RAP1GDS1: variants seen among roughly 807,000 people sequenced by gnomAD.
The protein encoded by RAP1GDS1 is RAP1, GTP-GDP dissociation stimulator 1.
A neutral mutation model predicts 71.1 loss-of-function variants in RAP1GDS1; 35 were observed. The ratio of observed to expected loss-of-function variants is 0.49; its 90% CI spans 0.38 to 0.65. The LOEUF (loss-of-function observed/expected upper bound fraction) is 0.65. RAP1GDS1 is among the 30% of genes least tolerant of loss of function. The pLI is 0.00. For synonymous variants in RAP1GDS1, 229 were observed against 243.1 expected (o/e 0.94, Z 0.54); for missense variants, 663 against 706.1 (o/e 0.94, Z 0.69).
At chr4:98,324,053 C>G (rs1435125282) in intron 2 of RAP1GDS1, among the ~76,000 whole-genome samples, 3 of 151,268 alleles carry the variant, frequency 2.0e-5, no homozygotes, top group Non-Finnish European at 2.9e-5. Flanking sequence ...TCTCCTTAAG[C>G]TGATAAGCAA....
At chr4:98,440,061 G>T (rs1402694005) in intron 14 of RAP1GDS1, among the ~76,000 whole-genome samples, 1 of 152,108 alleles carries the variant, frequency 6.6e-6, no homozygotes, top group Non-Finnish European at 1.5e-5. Context: ...GACAACTCTA[G>T]TCACCACATA....
intron 6 of RAP1GDS1, among the ~76,000 whole-genome samples, chr4:98,398,265 A>G (rs191444641): frequency 3.9e-5 from 6 of 152,232 alleles, no homozygotes; most frequent in African/African-American, 1.4e-4. Flanking sequence ...GAGAAAATAT[A>G]AGAAGATCAG....
At chr4:98,371,222 C>T (rs1195404317) in intron 4 of RAP1GDS1, among the ~76,000 whole-genome samples, 1 of 151,124 alleles carries the variant, frequency 6.6e-6, no homozygotes, top group Non-Finnish European at 1.5e-5. Context: ...AAGTGATTCT[C>T]CTGCCTCAGC....
Position 98,421,377 on chromosome 4 carries a change from C to G in RAP1GDS1, c.1423C>G (p.Arg475Gly). The change falls in exon 12 of 15, where the codon CGA becomes GGA. Residue 475 changes from arginine to glycine, a missense_variant. Arg to Gly is a moderately radical substitution (Grantham distance 125). Transcript: ENST00000408927. ...AAACAGACTGCTGTCTGCCCTTATA[C>G]GACACAGTAAATCAAAAGTAAGTTC... ...ESNRLLSALI[R>G]HSKSKDVIKT... The G allele has an allele frequency of 6.3e-7, 1 of 1,596,170 alleles. No homozygotes were observed. The highest frequency in any genetic ancestry group is 1.3e-5 in the African/African-American group (1 of 74,436).
intron 2 of RAP1GDS1, among the ~76,000 whole-genome samples, chr4:98,336,883 T>C (rs994767680): frequency 6.6e-6 from 1 of 151,634 alleles, no homozygotes; most frequent in African/African-American, 2.4e-5. Context: ...GTTTTTTTTG[T>C]TTTGTTTTGT....
chr4:98,370,622 G>T (rs1452203367), intron 4 of RAP1GDS1, among the ~76,000 whole-genome samples: 2 of 150,320 alleles, frequency 1.3e-5, no homozygotes, highest in African/African-American at 4.9e-5. Flanking sequence ...GGAGTGCAGT[G>T]GCGCGATCTC....
At chr4:98,370,085 C>G (rs2110464246) in intron 4 of RAP1GDS1, among the ~76,000 whole-genome samples, 1 of 152,176 alleles carries the variant, frequency 6.6e-6, no homozygotes, top group East Asian at 1.9e-4. Context: ...TATGTTTTCC[C>G]TCACACTTCC....
chr4:98,366,573 A>C (rs1025455922), intron 4 of RAP1GDS1, among the ~76,000 whole-genome samples: 3 of 152,152 alleles, frequency 2.0e-5, no homozygotes, highest in African/African-American at 7.2e-5. Flanking sequence ...GAAGACAGGA[A>C]AATGTAGGCA....
At chr4:98,329,192 G>T (rs1263915417) in intron 2 of RAP1GDS1, among the ~76,000 whole-genome samples, 2 of 152,096 alleles carry the variant, frequency 1.3e-5, no homozygotes, top group Non-Finnish European at 2.9e-5. Context: ...AATAATTTTT[G>T]AATTGGGGGG....
intron 12 of RAP1GDS1, among the ~76,000 whole-genome samples, chr4:98,423,958 C>A (rs551090371): frequency 7.0e-4 from 107 of 152,200 alleles, no homozygotes; most frequent in Non-Finnish European, 1.4e-3. Flanking sequence ...TTGAGTTGAG[C>A]AATTTGAAAT....
chr4:98,342,920 AATATT>A (rs1268326648), intron 2 of RAP1GDS1, among the ~76,000 whole-genome samples: 4 of 152,154 alleles, frequency 2.6e-5, no homozygotes, highest in East Asian at 1.9e-4. Context: ...AAATAAACAA[AATATT>A]ATATTATCAA....
intron 7 of RAP1GDS1, among the ~76,000 whole-genome samples, chr4:98,415,796 T>A (rs771820495): frequency 6.6e-6 from 1 of 152,246 alleles, no homozygotes; most frequent in Non-Finnish European, 1.5e-5. Context: ...TAACTTTTAT[T>A]ATGAACATTT....
intron 5 of RAP1GDS1, among the ~76,000 whole-genome samples, chr4:98,383,776 T>C (rs1742340785): frequency 6.6e-6 from 1 of 151,614 alleles, no homozygotes; most frequent in Non-Finnish European, 1.5e-5. Context: ...TTTCAGTCAA[T>C]AGCAACAATT....
intron 2 of RAP1GDS1, among the ~76,000 whole-genome samples, chr4:98,305,835 T>A (rs754354774): frequency 2.6e-5 from 4 of 152,234 alleles, no homozygotes; most frequent in Non-Finnish European, 5.9e-5. Flanking sequence ...TTTTTGCTTC[T>A]TAAGTTTGCT....
intron 14 of RAP1GDS1, among the ~76,000 whole-genome samples, chr4:98,439,784 A>T (rs1465803830): frequency 6.6e-6 from 1 of 152,056 alleles, no homozygotes; most frequent in Non-Finnish European, 1.5e-5. Flanking sequence ...CCTTGCAGAG[A>T]CTTTGAGTCT....
chr4:98,293,427 G>T lies in RAP1GDS1; in HGVS notation c.24G>T (p.Leu8Phe). 1 of 1,602,092 alleles carries T rather than the reference G, an allele frequency of 6.2e-7. No individual in the cohort carries two copies. Among genetic ancestry groups the T allele is most frequent in the South Asian group, 1.1e-5 (1 of 87,998 alleles). ...AAGCAGATAATCTCAGTGATACCTT[G>T]AAGAAGCTGAAGATAACAGCTGTTG... MDNLSDT[L>F]KKLKITAVDK... The change falls in exon 2 of 15, where the codon TTG becomes TTT. Residue 8 changes from leucine to phenylalanine, a missense_variant. By Grantham distance (22) the Leu-to-Phe change is conservative. Coordinates refer to ENST00000408927, the MANE Select transcript of RAP1GDS1 (RefSeq NM_001100427.2).
intron 2 of RAP1GDS1, among the ~76,000 whole-genome samples, chr4:98,331,610 A>C (rs1454280186): frequency 6.6e-6 from 1 of 152,184 alleles, no homozygotes; most frequent in Non-Finnish European, 1.5e-5. Context: ...TCTGTAACAT[A>C]CACATACATG....
intron 1 of RAP1GDS1, among the ~76,000 whole-genome samples, chr4:98,285,956 G>A (rs1169916703): frequency 6.8e-6 from 1 of 147,534 alleles, no homozygotes; most frequent in Non-Finnish European, 1.5e-5. Context: ...TTATAATAAT[G>A]GGCACATTTT....
intron 13 of RAP1GDS1, among the ~76,000 whole-genome samples, chr4:98,436,105 T>C (rs1335540015): frequency 1.3e-5 from 2 of 151,654 alleles, no homozygotes; most frequent in Admixed American, 1.3e-4. Flanking sequence ...TATATCGGTA[T>C]AAGGTACGAG....
Sources: gnomAD v4.1 joint callset for allele counts (sites outside exome capture counted in the v4.1 genomes callset) on GRCh38, gnomAD v4.1.1 for gene constraint, MANE v1.5 for transcripts, NCBI Gene and HGNC (gene_info 2026-07-23, HGNC 2026-07-21) for gene names.